Variants in VWA8 observed in about 807,000 individuals in gnomAD.
The protein encoded by VWA8 is von Willebrand factor A domain containing 8.
Under a neutral mutation model 241.5 loss-of-function variants are expected in VWA8, and 221 were observed. The observed-to-expected ratio is 0.91, with a 90% confidence interval of 0.82 to 1.02. The LOEUF (loss-of-function observed/expected upper bound fraction) is 1.02. Among genes scored for constraint, VWA8 ranks in the 50% least tolerant of loss-of-function variants. The pLI is 0.00. For missense variants in VWA8, 2,322 were observed against 2,328.7 expected (o/e 1.00, Z 0.06); for synonymous variants, 852 against 827.1 (o/e 1.03, Z -0.52).
At chr13:41,917,461 G>A (rs777571198) in intron 2 of VWA8, among the ~76,000 whole-genome samples, 4 of 152,090 alleles carry the variant, frequency 2.6e-5, no homozygotes, top group Non-Finnish European at 5.9e-5. Flanking sequence ...TGAGATACAT[G>A]TGCAGAACAC....
intron 42 of VWA8, among the ~76,000 whole-genome samples, chr13:41,582,676 CT>C (rs1384149987): frequency 6.6e-6 from 1 of 152,058 alleles, no homozygotes; most frequent in Non-Finnish European, 1.5e-5. Context: ...TTCCTATTCC[CT>C]TTATGCCTTT....
intron 17 of VWA8, among the ~76,000 whole-genome samples, chr13:41,800,051 T>C (rs1281105949): frequency 1.3e-5 from 2 of 152,222 alleles, no homozygotes; most frequent in African/African-American, 4.8e-5. Context: ...TGTGGTCCTA[T>C]GTATCTGGCT....
chr13:41,900,146 C>T (rs1309079664), intron 4 of VWA8, among the ~76,000 whole-genome samples: 1 of 152,188 alleles, frequency 6.6e-6, no homozygotes, highest in African/African-American at 2.4e-5. Flanking sequence ...TCTATGCCTA[C>T]ACTTGTTATG....
At chr13:41,659,322 A>G (rs2044932726) in intron 37 of VWA8, among the ~76,000 whole-genome samples, 1 of 152,246 alleles carries the variant, frequency 6.6e-6, no homozygotes, top group Non-Finnish European at 1.5e-5. Flanking sequence ...GTGTCTTAAC[A>G]GCTCTGTGCT....
chr13:41,605,022 G>T, intron 40 of VWA8, 146 bp downstream of exon 40: 1 of 666,894 alleles, frequency 1.5e-6, no homozygotes, highest in South Asian at 2.0e-5. Context: ...AAAGCCATGG[G>T]ATAGTCCAGT....
At chr13:41,867,601 T>C (rs1288700151) in intron 10 of VWA8, among the ~76,000 whole-genome samples, 1 of 152,174 alleles carries the variant, frequency 6.6e-6, no homozygotes, top group African/African-American at 2.4e-5. Context: ...ATACAGTAAA[T>C]AGTACACAGT....
At chr13:41,637,605 A>G (rs1168234924) in intron 37 of VWA8, among the ~76,000 whole-genome samples, 2 of 152,118 alleles carry the variant, frequency 1.3e-5, no homozygotes, top group Non-Finnish European at 1.5e-5. Flanking sequence ...AAAAAAGAAC[A>G]TCAGGAAGAA....
At position 41,711,588 on chromosome 13, in the gene VWA8, T is replaced by A. The variant is rs533130093; in HGVS notation, c.3116+8003A>T. Among the ~76,000 whole-genome samples the A allele has an allele frequency of 3.3e-5, 5 of 152,236 alleles. No homozygotes were observed. In the South Asian group the frequency reaches 8.3e-4, roughly 25 times the overall value. ...AAGTAAAGGATTTTTATAAAAGAAA[T>A]TTCAGGCCGGGCATGGTGGCTCATG... On this transcript the variant is annotated intron_variant, in intron 26 of 44. Coordinates refer to ENST00000379310, the MANE Select transcript of VWA8 (RefSeq NM_015058.2).
intron 4 of VWA8, among the ~76,000 whole-genome samples, chr13:41,894,759 G>T (rs1240163241): frequency 6.6e-6 from 1 of 152,178 alleles, no homozygotes; most frequent in African/African-American, 2.4e-5. Flanking sequence ...CAAAGTCAAT[G>T]TGACCAGTAA....
rs1491016259 is a variant in VWA8 at position 41,571,346 on chromosome 13, C to CCG, written c.5371-641_5371-640insCG. Among the ~76,000 whole-genome samples the CCG allele has an allele frequency of 2.7e-5, 3 of 109,264 alleles. 1 individual carries two copies. The highest frequency in any genetic ancestry group is 6.1e-5 in the Non-Finnish European group (3 of 48,856). 71.7% of individuals were successfully genotyped at this position (109,264 alleles called of 152,430 possible). ...CTCTCCCGTCTCCCTCTCCCTCTCCCGTCTCCCTCTCCCTCTCCCCGGTCT... is the reference window on the plus strand; with the variant it reads ...CTCTCCCGTCTCCCTCTCCCTCTCCCCGGTCTCCCTCTCCCTCTCCCCGGTCT... On this transcript the variant is annotated intron_variant, in intron 43 of 44. Coordinates refer to ENST00000379310, the MANE Select transcript of VWA8 (RefSeq NM_015058.2).
chr13:41,880,017 A>G (rs1874094396), intron 9 of VWA8, among the ~76,000 whole-genome samples: 1 of 152,240 alleles, frequency 6.6e-6, no homozygotes, highest in South Asian at 2.1e-4. Flanking sequence ...CTTTAAACAT[A>G]TAGTTATAAG....
chr13:41,712,730 T>C (rs2045326378), intron 26 of VWA8, among the ~76,000 whole-genome samples: 1 of 152,232 alleles, frequency 6.6e-6, no homozygotes, highest in Non-Finnish European at 1.5e-5. Context: ...AGAATTTATT[T>C]AAGGTCTCTT....
At chr13:41,868,862 T>C (rs1038478014) in intron 9 of VWA8, among the ~76,000 whole-genome samples, 1 of 114,750 alleles carries the variant, frequency 8.7e-6, no homozygotes, top group African/African-American at 3.5e-5. Flanking sequence ...CACTCCAGCA[T>C]GGGCAAAACG....
intron 37 of VWA8, among the ~76,000 whole-genome samples, chr13:41,632,183 G>A (rs1566395086): frequency 6.6e-6 from 1 of 152,176 alleles, no homozygotes; most frequent in African/African-American, 2.4e-5. Context: ...GACATTTAAT[G>A]CCACGTACTT....
At chr13:41,873,738 C>T (rs1012215433) in intron 9 of VWA8, among the ~76,000 whole-genome samples, 3 of 152,182 alleles carry the variant, frequency 2.0e-5, no homozygotes, top group Non-Finnish European at 2.9e-5. Context: ...GATTCACAGC[C>T]AAATTCTACC....
Position 41,882,558 on chromosome 13 carries a change from C to T in VWA8, c.1080+829G>A, listed in dbSNP as rs1358326324. On this transcript the variant is annotated intron_variant, in intron 9 of 44. Transcript: ENST00000379310. ...AGACTCCGTCTGCAATCCCAGCACC[C>T]CGGGAGGCCAAGGCTGGCGGATCAC... Among the ~76,000 whole-genome samples, 64 of 152,278 alleles carry T rather than the reference C, an allele frequency of 4.2e-4. 1 individual carries two copies. The highest frequency in any genetic ancestry group is 1.3e-3 in the African/African-American group (56 of 41,508).
chr13:41,870,831 CCACA>C (rs1312697701), intron 9 of VWA8, among the ~76,000 whole-genome samples: 1 of 151,864 alleles, frequency 6.6e-6, no homozygotes, highest in Non-Finnish European at 1.5e-5. Context: ...CTGGTTATGT[CCACA>C]CAAATAATTA....
intron 37 of VWA8, among the ~76,000 whole-genome samples, chr13:41,628,729 A>G (rs771613761): frequency 6.6e-6 from 1 of 152,192 alleles, no homozygotes; most frequent in Non-Finnish European, 1.5e-5. Context: ...TCTAAACATT[A>G]AATACACATG....
intron 16 of VWA8, among the ~76,000 whole-genome samples, chr13:41,813,255 A>C (rs553414577): frequency 6.6e-6 from 1 of 152,290 alleles, no homozygotes; most frequent in South Asian, 2.1e-4. Flanking sequence ...GACAGAGAGA[A>C]CTGAGACAGG....
Sources: allele counts gnomAD v4.1 joint callset (sites outside exome capture counted in the v4.1 genomes callset), GRCh38; gene constraint gnomAD v4.1.1; transcripts MANE v1.5; gene names NCBI Gene and HGNC (gene_info 2026-07-23, HGNC 2026-07-21).